Variants in TSPYL6 observed in about 807,000 individuals in gnomAD.
The protein encoded by TSPYL6 is TSPY like 6.
For missense variants in TSPYL6, 699 were observed against 531.5 expected, an observed-to-expected ratio of 1.32 and a Z score of -3.10; for synonymous variants, 259 against 214.8, an observed-to-expected ratio of 1.21 and a Z score of -1.80.
In TSPYL6 at chr2:54,255,159, G is replaced by C. The variant is rs1480993605; in HGVS notation, c.993C>G (p.Arg331=). ...VVSFSTLIMW[R]RGHGPQSFIH... ...TGAAGGACTGGGGTCCATGGCCCCGGCGCCACATGATTAGAGTGGAAAAAG... is the reference window on the plus strand; with the variant it reads ...TGAAGGACTGGGGTCCATGGCCCCGCCGCCACATGATTAGAGTGGAAAAAG... The change falls in exon 1 of 1, where the codon CGC becomes CGG. Residue 331 remains arginine, a synonymous_variant. Coordinates refer to ENST00000317802, the MANE Select transcript of TSPYL6 (RefSeq NM_001003937.3). 11 of 1,614,176 alleles carry C rather than the reference G, an allele frequency of 6.8e-6. No homozygotes were observed. The highest frequency in any genetic ancestry group is 9.3e-6 in the Non-Finnish European group (11 of 1,180,036).
Position 54,255,566 on chromosome 2 carries a change from G to C in TSPYL6, c.586C>G (p.Leu196Val). The C allele has an allele frequency of 6.2e-7, 1 of 1,612,850 alleles. No homozygotes were observed. The change falls in exon 1 of 1, where the codon CTG becomes GTG. Residue 196 changes from leucine (L) to valine (V), a missense_variant. Coordinates refer to ENST00000317802, the MANE Select transcript of TSPYL6 (RefSeq NM_001003937.3). The part of the protein sequence containing the change: ...EAGPGPGPGP[L>V]NVGLHLNPLE... Reference sequence around the variant, plus strand: ...GGGTTCAGGTGGAGACCCACGTTCAGGGGCCCGGGCCCGGGCCCAGGCCCT... The same window carrying C: ...GGGTTCAGGTGGAGACCCACGTTCACGGGCCCGGGCCCGGGCCCAGGCCCT...
At position 54,254,871 on chromosome 2, in the gene TSPYL6, C is replaced by A. The variant is rs757861822; in HGVS notation, c.*48G>T. The A allele has an allele frequency of 6.4e-7, 1 of 1,569,526 alleles. No homozygotes were observed. On this transcript the variant is annotated 3_prime_UTR_variant, in exon 1 of 1. Transcript: ENST00000317802. ...TGCTGTTGCCCAAGCTCAGGTCCAG[C>A]TGGTGGTGGCAGGCAACCTTCTGCA... is the stretch of plus-strand genomic sequence containing the variant.
In TSPYL6 at chr2:54,254,675, G is replaced by T. The variant is rs1687403006; in HGVS notation, c.*244C>A. ...ACAGCATCATTCGCTTCGCTTAGAA[G>T]GATGTGACCCATCGGCTGGGAGCAT... On this transcript the variant is annotated 3_prime_UTR_variant, in exon 1 of 1. Coordinates refer to ENST00000317802, the MANE Select transcript of TSPYL6 (RefSeq NM_001003937.3). The T allele has an allele frequency of 3.9e-6, 2 of 508,086 alleles. No individual in the cohort carries two copies. Among genetic ancestry groups the T allele is most frequent in the Admixed American group, 6.9e-5 (2 of 28,976 alleles). 31.5% of individuals were successfully genotyped at this position (508,086 alleles called of 1,614,324 possible). A position where few individuals can be genotyped will look rare whatever the true frequency, so the allele number is the denominator to read the frequency against.
Position 54,255,595 on chromosome 2 carries a change from T to A in TSPYL6, c.557A>T (p.Glu186Val), listed in dbSNP as rs759576559. The change falls in exon 1 of 1, where the codon GAG becomes GTG. Residue 186 changes from glutamate (E) to valine (V), a missense_variant. Physicochemically the swap from Glu to Val is moderately radical, Grantham distance 121. Coordinates refer to ENST00000317802, the MANE Select transcript of TSPYL6 (RefSeq NM_001003937.3). ...CCCGGGCCCGGGCCCAGGCCCTGCC[T>A]CCCTGTTTACCTCATCTATTGCTCT... ...ENRAIDEVNR[E>V]AGPGPGPGPL... The A allele has an allele frequency of 1.2e-6, 2 of 1,613,096 alleles. No individual in the cohort carries two copies. Among genetic ancestry groups the A allele is most frequent in the South Asian group, 1.1e-5 (1 of 91,062 alleles).
chr2:54,256,077 C>T lies in TSPYL6; in HGVS notation c.75G>A (p.Arg25=), dbSNP rs377627901. ...YALEDPHQGQ[R]SREKSKATEV... is the part of the protein sequence containing the mutation. ...CTGTCGCCTTGCTCTTTTCTCGGGA[C>T]CTCTGGCCCTGGTGCGGGTCTTCCA... The change falls in exon 1 of 1, where the codon AGG becomes AGA. Residue 25 remains arginine (R), a synonymous_variant. Transcript: ENST00000317802. The T allele has an allele frequency of 1.2e-6, 2 of 1,614,156 alleles. No individual in the cohort carries two copies. Among genetic ancestry groups the T allele is most frequent in the Non-Finnish European group, 1.7e-6 (2 of 1,180,044 alleles).
rs1198682542 is a variant in TSPYL6 at position 54,253,843 on chromosome 2, C to A, written c.*1076G>T. On this transcript the variant is annotated 3_prime_UTR_variant, in exon 1 of 1. Coordinates refer to ENST00000317802, the MANE Select transcript of TSPYL6 (RefSeq NM_001003937.3). The stretch of plus-strand genomic sequence containing the variant: ...GAAAGGAGAATGGGCAATAAGAGGT[C>A]TGGCAGTCTATTTTACAGAACAGCC... 1 of 152,246 alleles carries A rather than the reference C, an allele frequency of 6.6e-6. No homozygotes were observed. The highest frequency in any genetic ancestry group is 1.5e-5 in the Non-Finnish European group (1 of 68,068). 9.4% of individuals were successfully genotyped at this position (152,246 alleles called of 1,614,324 possible). A position where few individuals can be genotyped will look rare whatever the true frequency, so the allele number is the denominator to read the frequency against.
rs1344215801 is a variant in TSPYL6 at position 54,255,067 on chromosome 2, G to T, written c.1085C>A (p.Ser362Tyr). Residue 362 changes from serine to tyrosine, a missense_variant, in exon 1 of 1, where the codon TCC (serine) becomes TAC (tyrosine). Transcript: ENST00000317802. ...TWFSDHSLPESDRIAQIIKED... is the reference protein window; with the variant it reads ...TWFSDHSLPEYDRIAQIIKED... ...TTTAATAATCTGAGCAATCCTGTCG[G>T]ACTCTGGAAGGCTGTGGTCTGAAAA... The T allele has an allele frequency of 6.2e-7, 1 of 1,614,118 alleles. No homozygotes were observed. Among genetic ancestry groups the T allele is most frequent in the East Asian group, 2.2e-5 (1 of 44,874 alleles).
rs1687340819 is a variant in TSPYL6, at chr2:54,253,615, T to C, written c.*1304A>G. On this transcript the variant is annotated 3_prime_UTR_variant, in exon 1 of 1. Coordinates refer to ENST00000317802, the MANE Select transcript of TSPYL6 (RefSeq NM_001003937.3). ...AAAGTACTTCTCTTCCCATCATAAC[T>C]AGTCAACCCAGTGTAAATTCTAGGC... is the stretch of plus-strand genomic sequence containing the variant. The C allele has an allele frequency of 6.6e-6, 1 of 152,234 alleles. No individual in the cohort carries two copies. The highest frequency in any genetic ancestry group is 2.1e-4 in the South Asian group (1 of 4,818). The allele number at this position is 152,234 out of a possible 1,614,324, so 9.4% of individuals were successfully genotyped here.
In TSPYL6 at chr2:54,256,185, C is replaced by CA. The variant is rs776123153; in HGVS notation, c.-35_-34insT. ...CGGCCAGGGCAGCAGTGGGTAGAGG[C>CA]CAGGCCAGAGGTAGGTAGCGTCAAC... On this transcript the variant is annotated 5_prime_UTR_variant, in exon 1 of 1. Coordinates refer to ENST00000317802, the MANE Select transcript of TSPYL6 (RefSeq NM_001003937.3). 6.3e-7 allele frequency: 1 copy of CA among 1,580,712 alleles called. No individual in the cohort carries two copies. The highest frequency in any genetic ancestry group is 1.2e-5 in the South Asian group (1 of 85,798).
chr2:54,255,789 G>A lies in TSPYL6; in HGVS notation c.363C>T (p.His121=), dbSNP rs369987342. 2.5e-5 allele frequency: 40 copies of A among 1,613,624 alleles called. No homozygotes were observed. Among genetic ancestry groups the A allele is most frequent in the Non-Finnish European group, 2.0e-5 (24 of 1,180,026 alleles). ...CTAGAGCCTTCTCCCCACCTAGGCC[G>A]TGCGTCTCTTCACCCGGAAAGCCAT... The part of the protein sequence containing the change: ...LKNGFPGEET[H]GLGGEKALET... Residue 121 remains histidine, a synonymous_variant, in exon 1 of 1, where the codon CAC becomes CAT. Transcript: ENST00000317802.
Position 54,254,399 on chromosome 2 carries a change from CAA to C in TSPYL6, c.*518_*519del. 6.5e-6 allele frequency: 1 copy of C among 153,838 alleles called. No homozygotes were observed. Among genetic ancestry groups the C allele is most frequent in the Non-Finnish European group, 1.4e-5 (1 of 69,230 alleles). 9.5% of individuals were successfully genotyped at this position (153,838 alleles called of 1,614,324 possible). On this transcript the variant is annotated 3_prime_UTR_variant, in exon 1 of 1. Coordinates refer to ENST00000317802, the MANE Select transcript of TSPYL6 (RefSeq NM_001003937.3). ...CTTGGGAATAGCCAGTAGCAGGCAG[CAA>C]TAGGTGACCAGTCTCAGGAAAAGTA... is the stretch of plus-strand genomic sequence containing the variant.
At position 54,254,391 on chromosome 2, in the gene TSPYL6, GCAGGC is replaced by G; in HGVS notation, c.*523_*527del. ...TAGCAGTACTTGGGAATAGCCAGTA[GCAGGC>G]AGCAATAGGTGACCAGTCTCAGGAA... On this transcript the variant is annotated 3_prime_UTR_variant, in exon 1 of 1. Transcript: ENST00000317802. The G allele has an allele frequency of 6.5e-6, 1 of 153,676 alleles. No homozygotes were observed. The highest frequency in any genetic ancestry group is 1.4e-5 in the Non-Finnish European group (1 of 69,120). The allele number at this position is 153,676 out of a possible 1,614,324, so 9.5% of individuals were successfully genotyped here.
Position 54,255,004 on chromosome 2 carries a change from A to C in TSPYL6, c.1148T>G (p.Leu383Trp). ...LWSNPLQYYL[L>W]GEDAHRARRR... ...TCTAGCTCTATGGGCGTCTTCACCC[A>C]ACAGGTAGTACTGCAGTGGATTTGA... Residue 383 changes from leucine to tryptophan, a missense_variant, in exon 1 of 1, where the codon TTG becomes TGG. Leu to Trp is a moderately conservative substitution (Grantham distance 61, BLOSUM62 -2). Coordinates refer to ENST00000317802, the MANE Select transcript of TSPYL6 (RefSeq NM_001003937.3). 6.2e-7 allele frequency: 1 copy of C among 1,614,044 alleles called. No individual in the cohort carries two copies. Among genetic ancestry groups the C allele is most frequent in the Non-Finnish European group, 8.5e-7 (1 of 1,180,006 alleles).
Position 54,255,798 on chromosome 2 carries a change from T to G in TSPYL6, c.354A>C (p.Glu118Asp), listed in dbSNP as rs1182628864. ...DGSLKNGFPG[E>D]ETHGLGGEKA... Reference sequence around the variant, plus strand: ...TCTCCCCACCTAGGCCGTGCGTCTCTTCACCCGGAAAGCCATTTTTGAGGC... The same window carrying G: ...TCTCCCCACCTAGGCCGTGCGTCTCGTCACCCGGAAAGCCATTTTTGAGGC... The change falls in exon 1 of 1, where the codon GAA (glutamate) becomes GAC (aspartate). Residue 118 changes from glutamate (E) to aspartate (D), a missense_variant. Glu to Asp is a conservative substitution (Grantham distance 45, BLOSUM62 2). Transcript: ENST00000317802. 2 of 1,613,912 alleles carry G rather than the reference T, an allele frequency of 1.2e-6. No homozygotes were observed. The highest frequency in any genetic ancestry group is 1.1e-5 in the South Asian group (1 of 91,088).
In TSPYL6 at chr2:54,255,863, C is replaced by T; in HGVS notation, c.289G>A (p.Gly97Ser). The T allele has an allele frequency of 1.2e-6, 2 of 1,614,026 alleles. No individual in the cohort carries two copies. The highest frequency in any genetic ancestry group is 1.7e-6 in the Non-Finnish European group (2 of 1,180,026). ...GQEVTPPPAEGLEAASASLTT... is the reference protein window; with the variant it reads ...GQEVTPPPAESLEAASASLTT... Reference sequence around the variant, plus strand: ...AGCGAGGCAGAGGCCGCTTCTAGGCCCTCCGCGGGTGGTGGAGTCACTTCC... The same window carrying T: ...AGCGAGGCAGAGGCCGCTTCTAGGCTCTCCGCGGGTGGTGGAGTCACTTCC... The change falls in exon 1 of 1, where the codon GGC becomes AGC. Residue 97 changes from glycine (G) to serine (S), a missense_variant. By Grantham distance (56) the Gly-to-Ser change is moderately conservative. Transcript: ENST00000317802.
Position 54,256,084 on chromosome 2 carries a change from C to T in TSPYL6, c.68G>A (p.Gly23Asp). Residue 23 changes from glycine to aspartate, a missense_variant, in exon 1 of 1, where the codon GGC becomes GAC. Transcript: ENST00000317802. ...LDYALEDPHQ[G>D]QRSREKSKAT... Reference sequence around the variant, plus strand: ...CTTGCTCTTTTCTCGGGACCTCTGGCCCTGGTGCGGGTCTTCCAGAGCATA... The same window carrying T: ...CTTGCTCTTTTCTCGGGACCTCTGGTCCTGGTGCGGGTCTTCCAGAGCATA... 6.2e-7 allele frequency: 1 copy of T among 1,614,062 alleles called. No individual in the cohort carries two copies. Among genetic ancestry groups the T allele is most frequent in the Non-Finnish European group, 8.5e-7 (1 of 1,180,040 alleles).
Position 54,254,680 on chromosome 2 carries a change from T to G in TSPYL6, c.*239A>C, listed in dbSNP as rs1230715508. The G allele has an allele frequency of 1.9e-6, 1 of 520,208 alleles. No homozygotes were observed. Among genetic ancestry groups the G allele is most frequent in the Non-Finnish European group, 3.4e-6 (1 of 293,718 alleles). 32.2% of individuals were successfully genotyped at this position (520,208 alleles called of 1,614,324 possible). ...ATCATTCGCTTCGCTTAGAAGGATG[T>G]GACCCATCGGCTGGGAGCATGTGAT... On this transcript the variant is annotated 3_prime_UTR_variant, in exon 1 of 1. Coordinates refer to ENST00000317802, the MANE Select transcript of TSPYL6 (RefSeq NM_001003937.3).
Position 54,255,404 on chromosome 2 carries a change from C to T in TSPYL6, c.748G>A (p.Gly250Ser), listed in dbSNP as rs1573000497. 6.2e-7 allele frequency: 1 copy of T among 1,613,940 alleles called. No individual in the cohort carries two copies. The highest frequency in any genetic ancestry group is 1.3e-5 in the African/African-American group (1 of 74,946). ...TGGCGGAAAGCAGTGACCCAGAAGC[C>T]CGGGATATTGCGAATGATGTCATTC... ...QRNDIIRNIPGFWVTAFRHHP... is the reference protein window; with the variant it reads ...QRNDIIRNIPSFWVTAFRHHP... Residue 250 changes from glycine (G) to serine (S), a missense_variant, in exon 1 of 1, where the codon GGC (glycine) becomes AGC (serine). Coordinates refer to ENST00000317802, the MANE Select transcript of TSPYL6 (RefSeq NM_001003937.3).
rs1306874807 is a variant in TSPYL6, at chr2:54,255,497, C to G, written c.655G>C (p.Ala219Pro). 2.5e-6 allele frequency: 4 copies of G among 1,613,950 alleles called. No homozygotes were observed. Among genetic ancestry groups the G allele is most frequent in the Non-Finnish European group, 2.5e-6 (3 of 1,180,020 alleles). ...QLELDSVNAE[A>P]DRALLQVERR... ...TCCACCTGCAGGAGCGCCCTGTCAG[C>G]CTCTGCATTCACGGAGTCCAGTTCC... is the stretch of plus-strand genomic sequence containing the variant. Residue 219 changes from alanine to proline, a missense_variant, in exon 1 of 1, where the codon GCT becomes CCT. By Grantham distance (27) the Ala-to-Pro change is conservative. Transcript: ENST00000317802.
Sources: gnomAD v4.1 joint callset for allele counts on GRCh38, gnomAD v4.1.1 for gene constraint, MANE v1.5 for transcripts, NCBI Gene and HGNC (gene_info 2026-07-23, HGNC 2026-07-21) for gene names.